Variants in TTLL7 observed in about 807,000 individuals in gnomAD.
TTLL7 encodes the protein tubulin tyrosine ligase like 7.
In TTLL7, 53 loss-of-function variants were observed where a neutral mutation model predicts 120.2. The observed-to-expected ratio is 0.44, with a 90% CI of 0.35 to 0.55. TTLL7 has a LOEUF of 0.55. TTLL7 is among the 20% of genes least tolerant of loss of function. The probability of loss-of-function intolerance (pLI) is 0.00; values close to 1 mark genes in which losing one functional copy is unlikely to be tolerated. For synonymous variants in TTLL7, 353 were observed against 351.7 expected (o/e 1.00, Z -0.04); for missense variants, 803 against 1,054.7 (o/e 0.76, Z 3.31).
At chr1:83,933,897 G>A in intron 8 of TTLL7, 131 bp from the exon 9 acceptor site, 1 of 761,630 alleles carries the variant, frequency 1.3e-6, no homozygotes, top group African/African-American at 1.8e-5. Flanking sequence ...CCCTGCCACT[G>A]CTCTGACTTC....
chr1:83,933,933 T>C (rs1647191726), intron 8 of TTLL7, among the ~76,000 whole-genome samples, 167 bp from the exon 9 acceptor site: 1 of 152,192 alleles, frequency 6.6e-6, no homozygotes. Context: ...CCCTGCCCAC[T>C]GCACTCCTCA....
intron 18 of TTLL7, among the ~76,000 whole-genome samples, chr1:83,899,945 G>A (rs1332109518): frequency 6.6e-6 from 1 of 151,954 alleles, no homozygotes; most frequent in African/African-American, 2.4e-5. Flanking sequence ...TATCAAAGAA[G>A]TAGATATACT....
At chr1:83,911,862 G>A (rs1196691667) in intron 14 of TTLL7, among the ~76,000 whole-genome samples, 3 of 151,840 alleles carry the variant, frequency 2.0e-5, no homozygotes, top group Non-Finnish European at 4.4e-5. Context: ...GTGTGTGTGA[G>A]GGGGTGGGAG....
chr1:83,984,582 G>T (rs1435286732), intron 1 of TTLL7, among the ~76,000 whole-genome samples: 1 of 152,218 alleles, frequency 6.6e-6, no homozygotes, highest in East Asian at 1.9e-4. Context: ...CACATGGAAT[G>T]CTATGCAGCC....
In TTLL7 at chr1:83,901,425, C is replaced by T. The variant is rs1268464150; in HGVS notation, c.2208+2654G>A. Among the ~76,000 whole-genome samples, 10 of 152,024 alleles carry T rather than the reference C, an allele frequency of 6.6e-5. No homozygotes were observed. The East Asian group carries it at 1.4e-3, about 21-fold the overall frequency. On this transcript the variant is annotated intron_variant, in intron 18 of 20. Transcript: ENST00000260505. Reference sequence around the variant, plus strand: ...ACTTAGTGGAAAAATCATCTTTTCTCTATTGGTTTGAAATACCACATTTAT... The same window carrying T: ...ACTTAGTGGAAAAATCATCTTTTCTTTATTGGTTTGAAATACCACATTTAT...
intron 20 of TTLL7, among the ~76,000 whole-genome samples, chr1:83,882,069 C>T (rs1406543015): frequency 8.2e-6 from 1 of 121,382 alleles, no homozygotes; most frequent in East Asian, 2.4e-4. Context: ...AGGGGAACAT[C>T]ACACTCTGGG....
intron 10 of TTLL7, 112 bp downstream of exon 10, chr1:83,929,024 T>A: frequency 2.2e-6 from 1 of 453,920 alleles, no homozygotes; most frequent in Non-Finnish European, 3.7e-6. Flanking sequence ...GAAATGAAAA[T>A]TATAAAATAT....
chr1:83,934,754 C>A (rs958790001), intron 8 of TTLL7, among the ~76,000 whole-genome samples: 4 of 152,086 alleles, frequency 2.6e-5, no homozygotes, highest in Non-Finnish European at 4.4e-5. Flanking sequence ...CTAAAATAGG[C>A]TTCTTATGTT....
intron 14 of TTLL7, among the ~76,000 whole-genome samples, chr1:83,916,285 T>C (rs1355087978): frequency 6.6e-6 from 1 of 152,078 alleles, no homozygotes; most frequent in Non-Finnish European, 1.5e-5. Context: ...ATGTGGCACA[T>C]ATACACCATG....
chr1:83,972,463 T>C (rs1651079826), intron 1 of TTLL7, among the ~76,000 whole-genome samples: 1 of 152,132 alleles, frequency 6.6e-6, no homozygotes, highest in Non-Finnish European at 1.5e-5. Context: ...TGCTAGATAA[T>C]ATTCCGTTGT....
In TTLL7 at chr1:83,892,689, T is replaced by G. The variant is rs554585259; in HGVS notation, c.2209-2208A>C. 3.1e-5 allele frequency among the ~76,000 whole-genome samples: 4 copies of G among 130,912 alleles called. 1 individual carries two copies. The South Asian group carries it at 9.6e-4, about 32-fold the overall frequency. 85.9% of individuals were successfully genotyped at this position (130,912 alleles called of 152,430 possible). A position where few individuals can be genotyped will look rare whatever the true frequency, so the allele number is the denominator to read the frequency against. Reference sequence around the variant, plus strand: ...ATATATATGAACATATGAACATATATATGAACATATATATGAACATATGAA... The same window carrying G: ...ATATATATGAACATATGAACATATAGATGAACATATATATGAACATATGAA... On this transcript the variant is annotated intron_variant, in intron 18 of 20. Transcript: ENST00000260505.
At chr1:83,874,339 A>G (rs1359611329) in intron 20 of TTLL7, among the ~76,000 whole-genome samples, 1 of 152,060 alleles carries the variant, frequency 6.6e-6, no homozygotes, top group Admixed American at 6.6e-5. Flanking sequence ...ATATTCTATT[A>G]TATGTGTATA....
At chr1:83,941,184 G>A (rs1422598009) in intron 7 of TTLL7, among the ~76,000 whole-genome samples, 1 of 152,102 alleles carries the variant, frequency 6.6e-6, no homozygotes, top group Admixed American at 6.5e-5. Context: ...ATCTCCAACT[G>A]GGCTATGTGC....
At chr1:83,933,802 T>A in intron 8 of TTLL7, 36 bp from the exon 9 acceptor site, 1 of 1,582,084 alleles carries the variant, frequency 6.3e-7, no homozygotes, top group South Asian at 1.2e-5. Flanking sequence ...AAAATGCCTT[T>A]GTATCTCATT....
chr1:83,897,476 G>A (rs1422355751), intron 18 of TTLL7, among the ~76,000 whole-genome samples: 1 of 152,090 alleles, frequency 6.6e-6, no homozygotes, highest in East Asian at 1.9e-4. Context: ...ATCACGCACA[G>A]CCTTTGTGGC....
At chr1:83,998,186 T>A (rs1050920752) in intron 1 of TTLL7, among the ~76,000 whole-genome samples, 7 of 152,198 alleles carry the variant, frequency 4.6e-5, no homozygotes, top group Non-Finnish European at 7.3e-5. Context: ...ACCTTGAGAA[T>A]GTAATTTAAC....
At position 83,933,694 on chromosome 1, in the gene TTLL7, G is replaced by T. The variant is rs2100823710; in HGVS notation, c.961C>A (p.Gln321Lys). ...LHAYRMCRPG[Q>K]PPGSESVCFE... ...CAGACACTTTCGCTTCCTGGAGGTT[G>T]ACCAGGTCTACACATTCGATAGGCA... The change falls in exon 9 of 21, where the codon CAA becomes AAA. Residue 321 changes from glutamine to lysine, a missense_variant. Physicochemically the swap from Gln to Lys is moderately conservative, Grantham distance 53 (BLOSUM62 1). Transcript: ENST00000260505. 1 of 1,613,672 alleles carries T rather than the reference G, an allele frequency of 6.2e-7. No individual in the cohort carries two copies. The highest frequency in any genetic ancestry group is 8.5e-7 in the Non-Finnish European group (1 of 1,179,712).
At chr1:83,967,833 G>A (rs937704851) in intron 1 of TTLL7, among the ~76,000 whole-genome samples, 1 of 151,712 alleles carries the variant, frequency 6.6e-6, no homozygotes, top group African/African-American at 2.4e-5. Flanking sequence ...CTGGAATGAG[G>A]AGTTCAGCAA....
chr1:83,926,313 T>C (rs1313658782), intron 10 of TTLL7, among the ~76,000 whole-genome samples: 1 of 152,068 alleles, frequency 6.6e-6, no homozygotes, highest in Non-Finnish European at 1.5e-5. Flanking sequence ...CATTTATTTA[T>C]TTACTTGCTC....
Sources: gnomAD v4.1 joint callset for allele counts (sites outside exome capture counted in the v4.1 genomes callset) on GRCh38, gnomAD v4.1.1 for gene constraint, MANE v1.5 for transcripts, NCBI Gene and HGNC (gene_info 2026-07-23, HGNC 2026-07-21) for gene names.